The following EPHA5 variants were observed in gnomAD, a reference collection of about 807,000 sequenced individuals.
EPHA5 encodes the protein ephrin type-A receptor 5.
In EPHA5, 60 loss-of-function variants were observed where a neutral mutation model predicts 105.0. That is an observed-to-expected ratio of 0.57 (90% confidence interval 0.46 to 0.71). The LOEUF (loss-of-function observed/expected upper bound fraction) is 0.71, where lower values mean the gene tolerates loss of function less well. EPHA5 is among the 30% of genes least tolerant of loss of function. The probability of loss-of-function intolerance (pLI) is 0.00; values close to 1 mark genes in which losing one functional copy is unlikely to be tolerated. For synonymous variants in EPHA5, 513 were observed against 449.1 expected (o/e 1.14, Z -1.80); for missense variants, 1,218 against 1,274.7 (o/e 0.96, Z 0.68).
chr4:65,377,011 G>T (rs2148919830), intron 8 of EPHA5: 1 of 1,608,514 alleles, frequency 6.2e-7, no homozygotes, highest in South Asian at 1.1e-5. Flanking sequence ...ATTAGGCTTG[G>T]ATGGGCAACA....
chr4:65,335,692 A>G (rs1032157452), intron 15 of EPHA5, among the ~76,000 whole-genome samples: 1 of 151,856 alleles, frequency 6.6e-6, no homozygotes, highest in African/African-American at 2.4e-5. Flanking sequence ...GCTATAGTTC[A>G]TTTTTCTGAA....
At chr4:65,630,890 A>G (rs1746569363) in intron 2 of EPHA5, among the ~76,000 whole-genome samples, 1 of 152,296 alleles carries the variant, frequency 6.6e-6, no homozygotes, top group Middle Eastern at 3.4e-3. Flanking sequence ...ATAACTCATA[A>G]GGTTAGAATA....
rs539998166 is a variant in EPHA5 at position 65,366,643 on chromosome 4, A to C, written c.1862-586T>G. On this transcript the variant is annotated intron_variant, in intron 9 of 16. Transcript: ENST00000613740. ...CACTGCCTCATCAAGTTTTTTGGGA[A>C]TAAATAATATTAAATAAGATACGAT... Among the ~76,000 whole-genome samples the C allele has an allele frequency of 2.6e-5, 4 of 152,042 alleles. No homozygotes were observed. The South Asian group carries it at 8.3e-4, about 32-fold the overall frequency.
At position 65,351,525 on chromosome 4, in the gene EPHA5, AG is replaced by A; in HGVS notation, c.2308del (p.Leu770PhefsTer17). 1 of 1,613,802 alleles carries A rather than the reference AG, an allele frequency of 6.2e-7. No individual in the cohort carries two copies. The highest frequency in any genetic ancestry group is 2.2e-5 in the East Asian group (1 of 44,832). On this transcript the variant is annotated frameshift_variant, in exon 13 of 17. Coordinates refer to ENST00000613740, the MANE Select transcript of EPHA5 (RefSeq NM_001281766.3). LOFTEE classifies it high-confidence loss of function. ...TCTATGCACATAGCCCATGTCAGAA[AG>A]GTACTTCATTCCTGCAGAGATACCT... ...LRGISAGMKY[L>X]SDMGYVHRDL...
Position 65,465,533 on chromosome 4 carries a change from AAAGG to A in EPHA5, c.1402+24840_1402+24843del, listed in dbSNP as rs1243726575. On this transcript the variant is annotated intron_variant, in intron 5 of 16. Coordinates refer to ENST00000613740, the MANE Select transcript of EPHA5 (RefSeq NM_001281766.3). ...AAAGAAAGAAAGAAAGAAAGAAAAGAAAGGAAAGGAAGGAAAGGAAGGAAAGGAA... is the reference window on the plus strand; with the variant it reads ...AAAGAAAGAAAGAAAGAAAGAAAAGAAAAGGAAGGAAAGGAAGGAAAGGAA... Among the ~76,000 whole-genome samples, 281 of 69,446 alleles carry A rather than the reference AAAGG, an allele frequency of 4.0e-3. 2 individuals carry two copies. Among genetic ancestry groups the A allele is most frequent in the South Asian group, 0.012 (22 of 1,774 alleles). The allele number at this position is 69,446 out of a possible 152,430, so 45.6% of individuals were successfully genotyped here. A position where few individuals can be genotyped will look rare whatever the true frequency, so the allele number is the denominator to read the frequency against.
At position 65,414,710 on chromosome 4, in the gene EPHA5, T is replaced by C. The variant is rs576196432; in HGVS notation, c.1528-267A>G. ...CGGCAGTAATAAATTTCTAAAACTT[T>C]GAAAACATAATGTTGTAGGAGACTG... On this transcript the variant is annotated intron_variant, in intron 6 of 16. Transcript: ENST00000613740. Among the ~76,000 whole-genome samples the C allele has an allele frequency of 3.3e-5, 5 of 152,300 alleles. 1 individual carries two copies. The South Asian group carries it at 1.0e-3, about 32-fold the overall frequency.
intron 7 of EPHA5, among the ~76,000 whole-genome samples, chr4:65,406,962 T>C (rs991016102): frequency 1.3e-5 from 2 of 152,026 alleles, no homozygotes; most frequent in African/African-American, 4.8e-5. Flanking sequence ...TCAGATACTA[T>C]TGTGTTTCTT....
intron 3 of EPHA5, among the ~76,000 whole-genome samples, chr4:65,571,894 GCA>G (rs1343562322): frequency 6.6e-6 from 1 of 151,822 alleles, no homozygotes; most frequent in East Asian, 1.9e-4. Flanking sequence ...ACAAATTAGA[GCA>G]TGCCTTCCAA....
chr4:65,482,403 G>C (rs924859738), intron 5 of EPHA5, among the ~76,000 whole-genome samples: 11 of 151,710 alleles, frequency 7.3e-5, no homozygotes, highest in Non-Finnish European at 1.6e-4. Context: ...GCACAACAAT[G>C]CTATCTTTAA....
chr4:65,535,019 C>T (rs1356326019), intron 3 of EPHA5, among the ~76,000 whole-genome samples: 3 of 152,270 alleles, frequency 2.0e-5, no homozygotes, highest in Non-Finnish European at 2.9e-5. Flanking sequence ...TTTACTCACT[C>T]ATGATTATTT....
intron 3 of EPHA5, among the ~76,000 whole-genome samples, chr4:65,590,889 G>C (rs1203847542): frequency 6.6e-6 from 1 of 152,070 alleles, no homozygotes; most frequent in Non-Finnish European, 1.5e-5. Flanking sequence ...AGTACAGATA[G>C]ATCATAGTAA....
intron 3 of EPHA5, among the ~76,000 whole-genome samples, chr4:65,567,123 C>CA (rs1420838179): frequency 2.0e-5 from 3 of 151,378 alleles, no homozygotes; most frequent in Admixed American, 1.3e-4. Context: ...AAAAGCAAAC[C>CA]AAAAAACAAT....
At position 65,320,124 on chromosome 4, in the gene EPHA5, T is replaced by C; in HGVS notation, c.*3990A>G. The stretch of plus-strand genomic sequence containing the variant: ...TTCTGAACAAGAACATTCAATCATT[T>C]ATGTGTGAAAAGATTTCTTCATAAA... On this transcript the variant is annotated 3_prime_UTR_variant, in exon 17 of 17. Transcript: ENST00000613740. The C allele has an allele frequency of 4.3e-6, 1 of 230,414 alleles. No individual in the cohort carries two copies. Among genetic ancestry groups the C allele is most frequent in the East Asian group, 6.1e-5 (1 of 16,270 alleles). The allele number at this position is 230,414 out of a possible 1,614,324, so 14.3% of individuals were successfully genotyped here. A position where few individuals can be genotyped will look rare whatever the true frequency, so the allele number is the denominator to read the frequency against.
intron 8 of EPHA5, among the ~76,000 whole-genome samples, chr4:65,389,190 C>T (rs1345603045): frequency 6.6e-6 from 1 of 152,002 alleles, no homozygotes; most frequent in Non-Finnish European, 1.5e-5. Flanking sequence ...CTTGTGCAAG[C>T]TTAATGTGTC....
At chr4:65,641,797 T>C (rs888491601) in intron 2 of EPHA5, among the ~76,000 whole-genome samples, 2 of 152,066 alleles carry the variant, frequency 1.3e-5, no homozygotes, top group African/African-American at 4.8e-5. Flanking sequence ...GGATCCTTAT[T>C]GTTTAAAAAA....
intron 5 of EPHA5, among the ~76,000 whole-genome samples, chr4:65,466,500 C>T (rs1578181035): frequency 6.6e-6 from 1 of 152,226 alleles, no homozygotes; most frequent in Non-Finnish European, 1.5e-5. Flanking sequence ...TCATTTGACA[C>T]ATTTTAAAGA....
chr4:65,389,686 A>C (rs960161788), intron 8 of EPHA5, among the ~76,000 whole-genome samples: 1 of 152,082 alleles, frequency 6.6e-6, no homozygotes, highest in African/African-American at 2.4e-5. Flanking sequence ...CAAGGGGAAT[A>C]GGCATAGCAA....
chr4:65,331,604 A>G (rs1720623852), intron 16 of EPHA5: 1 of 1,068,178 alleles, frequency 9.4e-7, no homozygotes, highest in East Asian at 5.1e-5. Flanking sequence ...GACTAGCCAC[A>G]CCAATTGTGC....
At chr4:65,385,465 T>G (rs907144932) in intron 8 of EPHA5, among the ~76,000 whole-genome samples, 6 of 151,936 alleles carry the variant, frequency 3.9e-5, no homozygotes, top group Admixed American at 2.6e-4. Context: ...ATAAACATAT[T>G]ATGATAATTG....
Sources: gnomAD v4.1 joint callset for allele counts (sites outside exome capture counted in the v4.1 genomes callset) on GRCh38, gnomAD v4.1.1 for gene constraint, MANE v1.5 for transcripts, NCBI Gene and HGNC (gene_info 2026-07-23, HGNC 2026-07-21) for gene names.